Variants in MTCL3 observed in about 807,000 individuals in gnomAD.
MTCL3 encodes MTCL family member 3.
chr6:127,482,011 C>T, the MTCL3 span, among the ~76,000 whole-genome samples: 2 of 152,218 alleles, frequency 1.3e-5, no homozygotes, highest in Non-Finnish European at 1.5e-5. The surrounding 1 kb of genome is among the most constrained non-coding windows in gnomAD (Gnocchi z 4.1). Context: ...ATGACAACAT[C>T]AGGAAGTTAC....
chr6:127,496,302 T>C, the MTCL3 span, among the ~76,000 whole-genome samples: 2 of 152,310 alleles, frequency 1.3e-5, no homozygotes, highest in Admixed American at 6.5e-5. Context: ...TTACTTCTGA[T>C]TAAAATATAT....
chr6:127,512,927 C>T, the MTCL3 span: 11 of 1,612,384 alleles, frequency 6.8e-6, no homozygotes, highest in Non-Finnish European at 9.3e-6. Context: ...GTAAAGCTTG[C>T]TTTGCAATTT....
the MTCL3 span, among the ~76,000 whole-genome samples, chr6:127,486,428 T>TA: frequency 1.3e-5 from 2 of 152,314 alleles, no homozygotes; most frequent in Admixed American, 1.3e-4. Context: ...TACAGAAAGT[T>TA]AGAGAAATAA....
At chr6:127,487,406 C>G in the MTCL3 span, among the ~76,000 whole-genome samples, 1 of 152,054 alleles carries the variant, frequency 6.6e-6, no homozygotes, top group South Asian at 2.1e-4. Context: ...CTTACTGGTT[C>G]TTAAATCAAT....
the MTCL3 span, among the ~76,000 whole-genome samples, chr6:127,497,169 T>C: frequency 6.6e-6 from 1 of 152,228 alleles, no homozygotes; most frequent in African/African-American, 2.4e-5. Context: ...ATGGATTAAT[T>C]ATATTACATG....
chr6:127,505,235 T>C, the MTCL3 span, among the ~76,000 whole-genome samples: 1,047 of 152,266 alleles, frequency 6.9e-3, 6 homozygotes, highest in African/African-American at 0.024. Flanking sequence ...TAACTGTGGG[T>C]CTTACTTCCT....
chr6:127,488,082 T>G, the MTCL3 span, among the ~76,000 whole-genome samples: 1 of 152,014 alleles, frequency 6.6e-6, no homozygotes, highest in Non-Finnish European at 1.5e-5. Context: ...CACTCCTCAC[T>G]GCTTTCTTTG....
the MTCL3 span, chr6:127,515,535 T>G: frequency 6.9e-7 from 1 of 1,457,332 alleles, no homozygotes; most frequent in South Asian, 1.5e-5. This position sits in a 1 kb window ranked among gnomAD's most constrained non-coding sequence, Gnocchi z 4.3. Context: ...CGTTTTCCTC[T>G]CGCAGCTTCT....
chr6:127,488,712 A>G, the MTCL3 span, among the ~76,000 whole-genome samples: 1 of 152,240 alleles, frequency 6.6e-6, no homozygotes, highest in Non-Finnish European at 1.5e-5. Context: ...CTTTTCAACA[A>G]AAAGACTAAA....
the MTCL3 span, among the ~76,000 whole-genome samples, chr6:127,510,857 A>G: frequency 1.3e-5 from 2 of 152,150 alleles, no homozygotes; most frequent in East Asian, 3.9e-4. Flanking sequence ...AAATTCATAT[A>G]TTGAAGTCCT....
the MTCL3 span, chr6:127,515,991 G>A: frequency 4.4e-6 from 7 of 1,599,442 alleles, no homozygotes; most frequent in Non-Finnish European, 5.1e-6. The surrounding 1 kb of genome is among the most constrained non-coding windows in gnomAD (Gnocchi z 4.3). Flanking sequence ...CCCCGCCGCT[G>A]CCGCCCCTCT....
the MTCL3 span, among the ~76,000 whole-genome samples, chr6:127,511,032 C>T: frequency 6.6e-6 from 1 of 152,190 alleles, no homozygotes; most frequent in African/African-American, 2.4e-5. Context: ...AAATGAGGTC[C>T]TTAGGGAAGA....
the MTCL3 span, among the ~76,000 whole-genome samples, chr6:127,509,711 T>G: frequency 3.3e-5 from 5 of 152,192 alleles, no homozygotes; most frequent in African/African-American, 9.7e-5. Flanking sequence ...GGCTTGAATA[T>G]GTTTTCATTT....
chr6:127,494,320 C>T, the MTCL3 span, among the ~76,000 whole-genome samples: 2 of 152,014 alleles, frequency 1.3e-5, no homozygotes, highest in African/African-American at 4.8e-5. Flanking sequence ...AGATGCTGAA[C>T]TTAACTCTAG....
the MTCL3 span, among the ~76,000 whole-genome samples, chr6:127,487,226 T>C: frequency 6.6e-6 from 1 of 152,214 alleles, no homozygotes; most frequent in East Asian, 1.9e-4. Flanking sequence ...ATACTGTTAC[T>C]TCGACAGAAA....
the MTCL3 span, chr6:127,476,246 C>T: frequency 1.9e-6 from 3 of 1,614,202 alleles, no homozygotes; most frequent in Non-Finnish European, 2.5e-6. This position sits in a 1 kb window ranked among gnomAD's most constrained non-coding sequence, Gnocchi z 4.4. Flanking sequence ...TCTTCCTCCA[C>T]CAGCCTTAGC....
chr6:127,496,814 GGGGTATTATTTGGCAATTT>G, the MTCL3 span, among the ~76,000 whole-genome samples: 3 of 152,146 alleles, frequency 2.0e-5, no homozygotes, highest in Non-Finnish European at 2.9e-5. Context: ...TTTGCCCAAT[GGGGTATTATTTGGCAATTT>G]ACAAAAGGAA....
At chr6:127,475,315 T>G in the MTCL3 span, 3 of 1,609,550 alleles carry the variant, frequency 1.9e-6, no homozygotes, top group Admixed American at 5.0e-5. The surrounding 1 kb of genome is among the most constrained non-coding windows in gnomAD (Gnocchi z 7.3). Context: ...AATGGGCTCC[T>G]CGGCGCCGCG....
the MTCL3 span, among the ~76,000 whole-genome samples, chr6:127,503,463 A>G: frequency 6.6e-6 from 1 of 152,198 alleles, no homozygotes; most frequent in Non-Finnish European, 1.5e-5. Context: ...CATTGAAGAT[A>G]TCAAGCAAAT....
Sources: allele counts gnomAD v4.1 joint callset (sites outside exome capture counted in the v4.1 genomes callset), GRCh38; gene constraint gnomAD v4.1.1; non-coding constraint Gnocchi (gnomAD v3.1); transcripts MANE v1.5; gene names NCBI Gene and HGNC (gene_info 2026-07-23, HGNC 2026-07-21).